Variants in ELOVL6 observed in about 807,000 individuals in gnomAD.
ELOVL6 encodes the protein ELOVL fatty acid elongase 6.
In ELOVL6, 8 loss-of-function variants were observed where a neutral mutation model predicts 31.7. The ratio of observed to expected loss-of-function variants is 0.25; its 90% CI spans 0.15 to 0.45. ELOVL6 has a LOEUF of 0.45. Among genes scored for constraint, ELOVL6 ranks in the 20% least tolerant of loss-of-function variants. The pLI is 1.00. For missense variants in ELOVL6, 126 were observed against 326.4 expected (o/e 0.39, Z 4.73); for synonymous variants, 101 against 117.7 (o/e 0.86, Z 0.92).
intron 1 of ELOVL6, 168 bp downstream of exon 1, chr4:110,198,079 C>T (rs926629740): frequency 1.4e-5 from 8 of 560,842 alleles, no homozygotes; most frequent in South Asian, 9.1e-5. Context: ...CATGTACCCC[C>T]CCCCCCCCAG....
intron 2 of ELOVL6, among the ~76,000 whole-genome samples, chr4:110,076,528 A>G (rs142088464): frequency 6.6e-6 from 1 of 152,312 alleles, no homozygotes; most frequent in Non-Finnish European, 1.5e-5. Flanking sequence ...GCTTTTCCAT[A>G]TGAAAAAAAT....
chr4:110,078,425 G>A (rs1166123598), intron 2 of ELOVL6, among the ~76,000 whole-genome samples: 2 of 152,114 alleles, frequency 1.3e-5, no homozygotes, highest in Non-Finnish European at 2.9e-5. Flanking sequence ...AGAGAGTGGG[G>A]GCCAATATTC....
At chr4:110,113,458 C>G (rs72679230) in intron 1 of ELOVL6, among the ~76,000 whole-genome samples, 12,876 of 151,800 alleles carry the variant, frequency 0.085, 735 homozygotes, top group Middle Eastern at 0.13. Flanking sequence ...TGGTGCATGC[C>G]TGTAGTCCTA....
chr4:110,092,065 A>C (rs1190977985), intron 2 of ELOVL6, among the ~76,000 whole-genome samples: 3 of 152,216 alleles, frequency 2.0e-5, no homozygotes, highest in African/African-American at 4.8e-5. Context: ...TCACTTAACA[A>C]ATTTTTGAAA....
chr4:110,054,917 G>GT (rs1234750551), intron 3 of ELOVL6, among the ~76,000 whole-genome samples: 1 of 152,096 alleles, frequency 6.6e-6, no homozygotes, highest in African/African-American at 2.4e-5. Flanking sequence ...TTGCTTAGGA[G>GT]TTTTTTCCAG....
intron 1 of ELOVL6, among the ~76,000 whole-genome samples, chr4:110,152,606 A>G (rs141857050): frequency 2.4e-4 from 36 of 152,282 alleles, no homozygotes; most frequent in South Asian, 6.2e-4. Flanking sequence ...ACACCTGGGA[A>G]TCTTGTTGAA....
chr4:110,084,702 T>C (rs6834217), intron 2 of ELOVL6, among the ~76,000 whole-genome samples: 146,196 of 146,210 alleles, frequency 1, 73,091 homozygotes, highest in Middle Eastern at 1. Context: ...TCAAGCAATT[T>C]TCCTGCCTCA....
chr4:110,080,437 A>G (rs1755803439), intron 2 of ELOVL6, among the ~76,000 whole-genome samples: 1 of 152,254 alleles, frequency 6.6e-6, no homozygotes, highest in African/African-American at 2.4e-5. Flanking sequence ...CTGGTTCAGC[A>G]TACGCAAATC....
At chr4:110,182,706 C>T (rs1257786355) in intron 1 of ELOVL6, among the ~76,000 whole-genome samples, 2 of 151,980 alleles carry the variant, frequency 1.3e-5, no homozygotes, top group African/African-American at 2.4e-5. Context: ...GTCGGTAGTT[C>T]GAGACCAGCC....
Position 110,057,643 on chromosome 4 carries a change from G to C in ELOVL6, c.373+1960C>G, listed in dbSNP as rs147672314. Among the ~76,000 whole-genome samples the C allele has an allele frequency of 1.6e-3, 240 of 152,018 alleles. 1 individual carries two copies. Among genetic ancestry groups the C allele is most frequent in the African/African-American group, 5.6e-3 (233 of 41,484 alleles). ...AGGCGGGCTGATTACCTGAGGTCAG[G>C]AGTTCAAGTCCAGCCTGGCCAACAT... On this transcript the variant is annotated intron_variant, in intron 3 of 3. Coordinates refer to ENST00000302274, the MANE Select transcript of ELOVL6 (RefSeq NM_024090.3).
intron 1 of ELOVL6, among the ~76,000 whole-genome samples, chr4:110,186,121 C>T (rs550979102): frequency 7.2e-5 from 11 of 152,144 alleles, no homozygotes; most frequent in Admixed American, 3.9e-4. Context: ...ACCCGGGAAG[C>T]GGAGGTTGCA....
At chr4:110,189,966 C>CA (rs34493408) in intron 1 of ELOVL6, among the ~76,000 whole-genome samples, 30,253 of 133,338 alleles carry the variant, frequency 0.23, 3,211 homozygotes, top group Non-Finnish European at 0.27. Context: ...GACTCCATCT[C>CA]AAAAAAAAAA....
At chr4:110,117,903 A>AAAAAAATATAT in intron 1 of ELOVL6, 4 of 6,504 alleles carry the variant, frequency 6.2e-4, no homozygotes, top group East Asian at 6.3e-3. Flanking sequence ...AAAAAAAAAA[A>AAAAAAATATAT]ATATATATAT....
intron 1 of ELOVL6, among the ~76,000 whole-genome samples, chr4:110,171,283 C>T (rs1242702258): frequency 6.6e-6 from 1 of 152,060 alleles, no homozygotes; most frequent in East Asian, 1.9e-4. Context: ...GTGGTTGATG[C>T]CTGTAGTCCC....
Position 110,117,903 on chromosome 4 carries a change from A to AATATATATATATATATAT in ELOVL6, c.90-12293_90-12276dup, listed in dbSNP as rs1194332428. On this transcript the variant is annotated intron_variant, in intron 1 of 3. Transcript: ENST00000302274. ...TCTCAAAAAAAAAAAAAAAAAAAAA[A>AATATATATATATATATAT]ATATATATATATATATATATATCTC... The AATATATATATATATATAT allele has an allele frequency of 9.5e-3, 61 of 6,442 alleles. 3 individuals carry two copies. Among genetic ancestry groups the AATATATATATATATATAT allele is most frequent in the Non-Finnish European group, 0.017 (45 of 2,628 alleles). 0.4% of individuals were successfully genotyped at this position (6,442 alleles called of 1,614,324 possible). A position where few individuals can be genotyped will look rare whatever the true frequency, so the allele number is the denominator to read the frequency against.
intron 3 of ELOVL6, among the ~76,000 whole-genome samples, chr4:110,053,508 TAGAAAA>T (rs536387368): frequency 6.6e-6 from 1 of 152,290 alleles, no homozygotes; most frequent in East Asian, 1.9e-4. Context: ...TTGTTTACAA[TAGAAAA>T]AGAAAGTTGG....
intron 1 of ELOVL6, among the ~76,000 whole-genome samples, chr4:110,186,071 T>A (rs1029735494): frequency 6.6e-6 from 1 of 151,888 alleles, no homozygotes; most frequent in Admixed American, 6.6e-5. Context: ...GCACCTGTAG[T>A]CTCAGCTACT....
intron 2 of ELOVL6, 168 bp from the exon 3 acceptor site, chr4:110,059,922 A>G: frequency 1.7e-6 from 1 of 595,142 alleles, no homozygotes; most frequent in Non-Finnish European, 2.9e-6. Context: ...AAGAGCTAAT[A>G]CAATGACTCA....
At chr4:110,136,615 C>G (rs901642425) in intron 1 of ELOVL6, among the ~76,000 whole-genome samples, 2 of 152,074 alleles carry the variant, frequency 1.3e-5, no homozygotes, top group Non-Finnish European at 2.9e-5. Flanking sequence ...GCCAGCTGCC[C>G]CTGATTATAC....
Sources: allele counts gnomAD v4.1 joint callset (sites outside exome capture counted in the v4.1 genomes callset), GRCh38; gene constraint gnomAD v4.1.1; transcripts MANE v1.5; gene names NCBI Gene and HGNC (gene_info 2026-07-23, HGNC 2026-07-21).